Variants in ADGRL1 observed in about 807,000 individuals in gnomAD.
ADGRL1 encodes CIRL-1.
A neutral mutation model predicts 148.9 loss-of-function variants in ADGRL1; 31 were observed. The observed-to-expected ratio is 0.21, with a 90% CI of 0.16 to 0.28. The LOEUF (loss-of-function observed/expected upper bound fraction) is 0.28, where lower values mean the gene tolerates loss of function less well. ADGRL1 is among the 10% of genes least tolerant of loss of function. The probability of loss-of-function intolerance (pLI) is 1.00; values close to 1 mark genes in which losing one functional copy is unlikely to be tolerated. For synonymous variants in ADGRL1, 937 were observed against 900.3 expected, an observed-to-expected ratio of 1.04 and a Z score of -0.73; for missense variants, 1,521 against 2,058.8, an observed-to-expected ratio of 0.74 and a Z score of 5.05.
chr19:14,169,626 T>G (rs1970299075), intron 4 of ADGRL1: 1 of 151,942 alleles, frequency 6.6e-6, no homozygotes, highest in South Asian at 2.1e-4. Flanking sequence ...TGAGGAGAAA[T>G]CAAAGGCTGG....
chr19:14,162,191 C>A lies in ADGRL1; in HGVS notation c.1195+415G>T, dbSNP rs1969467929. On this transcript the variant is annotated intron_variant, in intron 5 of 22. Coordinates refer to ENST00000361434, the MANE Select transcript of ADGRL1 (RefSeq NM_014921.5). The surrounding 1 kb of genome is among the most constrained non-coding windows in gnomAD (Gnocchi z 5.4). ...AAGAAGACTGCAGAGTTGCCCTCAG[C>A]CCGGTCAGCATCAGCAGCTCAGCTC... 6.6e-6 allele frequency among the ~76,000 whole-genome samples: 1 copy of A among 152,160 alleles called. No homozygotes were observed.
Position 14,156,735 on chromosome 19 carries a change from A to C in ADGRL1, c.2967-11T>G. The C allele has an allele frequency of 6.2e-7, 1 of 1,606,448 alleles. No homozygotes were observed. The highest frequency in any genetic ancestry group is 8.5e-7 in the Non-Finnish European group (1 of 1,176,542). The stretch of plus-strand genomic sequence containing the variant: ...ACTCGGAGCCAGCAGCTGTAAAGGA[A>C]ACAGGGCCGGGGTATAGAGAGAAGC... On this transcript the variant is annotated splice_polypyrimidine_tract_variant and intron_variant, in intron 15 of 22. Coordinates refer to ENST00000361434, the MANE Select transcript of ADGRL1 (RefSeq NM_014921.5).
chr19:14,165,319 C>G (rs1969850416), intron 4 of ADGRL1, among the ~76,000 whole-genome samples: 1 of 152,198 alleles, frequency 6.6e-6, no homozygotes, highest in Admixed American at 6.5e-5. Context: ...CCCACTCTGT[C>G]CAGCACACTG....
intron 2 of ADGRL1, among the ~76,000 whole-genome samples, chr19:14,180,779 CTT>C (rs1297069069): frequency 6.6e-6 from 1 of 152,162 alleles, no homozygotes; most frequent in Non-Finnish European, 1.5e-5. Flanking sequence ...GTCTCAAACT[CTT>C]GAGCTCAAGC....
chr19:14,182,770 T>A (rs1971288976), intron 2 of ADGRL1, among the ~76,000 whole-genome samples: 1 of 151,110 alleles, frequency 6.6e-6, no homozygotes, highest in South Asian at 2.1e-4. Flanking sequence ...AGCAGAGGAG[T>A]GAGGTTGCTG....
intron 1 of ADGRL1, among the ~76,000 whole-genome samples, chr19:14,187,958 G>A (rs1002952526): frequency 6.6e-6 from 1 of 152,162 alleles, no homozygotes; most frequent in South Asian, 2.1e-4. Context: ...GGCTTGGTAC[G>A]GTGACTCGTG....
chr19:14,157,972 G>A lies in ADGRL1; in HGVS notation c.2445C>T (p.Gly815=). ...TCTTGTTGGACTCCACCAGGCGGCA[G>A]CCTTGGGTCGACCAGTAGCCCAGCA... The part of the protein sequence containing the change: ...RSMLGYWSTQ[G]CRLVESNKTH... The change falls in exon 13 of 23, where the codon GGC becomes GGT. Residue 815 remains glycine, a synonymous_variant. Transcript: ENST00000361434. This position sits in a 1 kb window ranked among gnomAD's most constrained non-coding sequence, Gnocchi z 7.5. 1 of 1,614,218 alleles carries A rather than the reference G, an allele frequency of 6.2e-7. No individual in the cohort carries two copies. Among genetic ancestry groups the A allele is most frequent in the African/African-American group, 1.3e-5 (1 of 75,068 alleles).
chr19:14,187,274 G>C (rs888126291), intron 1 of ADGRL1, among the ~76,000 whole-genome samples: 5 of 152,200 alleles, frequency 3.3e-5, no homozygotes, highest in Non-Finnish European at 5.9e-5. Flanking sequence ...GAGAGGTAGA[G>C]GTTGCAGTGA....
intron 1 of ADGRL1, among the ~76,000 whole-genome samples, chr19:14,191,694 CTCTT>C (rs1489534204): frequency 2.0e-5 from 3 of 148,048 alleles, no homozygotes; most frequent in Non-Finnish European, 4.5e-5. Flanking sequence ...TGCTGTCTCT[CTCTT>C]TTTTTTTTTT....
At chr19:14,203,969 G>A (rs10407653) in intron 1 of ADGRL1, among the ~76,000 whole-genome samples, 74,937 of 151,930 alleles carry the variant, frequency 0.49, 19,324 homozygotes, top group African/African-American at 0.65. Context: ...GAAGATGGTG[G>A]CAAGACCAGC....
chr19:14,199,836 C>T (rs1174637257), intron 1 of ADGRL1, among the ~76,000 whole-genome samples: 1 of 152,132 alleles, frequency 6.6e-6, no homozygotes, highest in African/African-American at 2.4e-5. Flanking sequence ...CAGGTTCAAG[C>T]GATTCTCCTG....
chr19:14,160,251 C>A lies in ADGRL1; in HGVS notation c.1661G>T (p.Arg554Leu). Residue 554 changes from arginine (R) to leucine (L), a missense_variant, in exon 8 of 23, where the codon CGA becomes CTA. Transcript: ENST00000361434. The surrounding 1 kb of genome is among the most constrained non-coding windows in gnomAD (Gnocchi z 5.9). ...NAANIASELARHTRGSIYAGD... is the reference protein window; with the variant it reads ...NAANIASELALHTRGSIYAGD... ...CGCGTAGATGGAGCCCCGGGTGTGTCGGGCCAGCTCGCTGGCGATGTTGGC... is the reference window on the plus strand; with the variant it reads ...CGCGTAGATGGAGCCCCGGGTGTGTAGGGCCAGCTCGCTGGCGATGTTGGC... 6.3e-7 allele frequency: 1 copy of A among 1,594,682 alleles called. No homozygotes were observed. The highest frequency in any genetic ancestry group is 8.6e-7 in the Non-Finnish European group (1 of 1,164,144).
chr19:14,201,294 GT>G (rs748016498), intron 1 of ADGRL1, among the ~76,000 whole-genome samples: 37 of 86,278 alleles, frequency 4.3e-4, no homozygotes, highest in Middle Eastern at 6.4e-3. Flanking sequence ...GCTATTCTGA[GT>G]TTTTTTGTTT....
In ADGRL1 at chr19:14,157,922, TG is replaced by T; in HGVS notation, c.2494del (p.His832ThrfsTer33). 6.2e-7 allele frequency: 1 copy of T among 1,614,128 alleles called. No homozygotes were observed. Among genetic ancestry groups the T allele is most frequent in the Non-Finnish European group, 8.5e-7 (1 of 1,180,018 alleles). Reference protein sequence around the residue: ...NKTHTTCACSHLTNFAVLMAH... With the variant: ...NKTHTTCACSXLTNFAVLMAH... ...CATGAGCACAGCGAAGTTGGTGAGGTGGCTGCAGGCACACGTGGTATGGGTC... is the reference window on the plus strand; with the variant it reads ...CATGAGCACAGCGAAGTTGGTGAGGTGCTGCAGGCACACGTGGTATGGGTC... On this transcript the variant is annotated frameshift_variant, in exon 13 of 23. Transcript: ENST00000361434. LOFTEE classifies it high-confidence loss of function. This position sits in a 1 kb window ranked among gnomAD's most constrained non-coding sequence, Gnocchi z 7.5.
chr19:14,159,560 G>A lies in ADGRL1; in HGVS notation c.1864C>T (p.Leu622=). 6.2e-7 allele frequency: 1 copy of A among 1,602,418 alleles called. No homozygotes were observed. The stretch of plus-strand genomic sequence containing the variant: ...GACTCCAGAGCTTCTGGCCGGAGCA[G>A]ATTGTCCACTGTCTCCACCACGGCC... ...IKAVVETVDN[L]LRPEALESWK... Residue 622 remains leucine (L), a synonymous_variant, in exon 10 of 23, where the codon CTG becomes TTG. Transcript: ENST00000361434. This position sits in a 1 kb window ranked among gnomAD's most constrained non-coding sequence, Gnocchi z 6.0.
In ADGRL1 at chr19:14,151,104, C is replaced by G; in HGVS notation, c.4179G>C (p.Pro1393=). ...CACTGGGCCCCTCAGGGCTGCTGTC[C>G]GGGTAGGAGGGTGAGTCCCGCAGGT... The part of the protein sequence containing the change: ...GANLRDSPSY[P]DSSPEGPSEA... The change falls in exon 23 of 23, where the codon CCG becomes CCC. Residue 1393 remains proline, a synonymous_variant. Coordinates refer to ENST00000361434, the MANE Select transcript of ADGRL1 (RefSeq NM_014921.5). The G allele has an allele frequency of 6.5e-7, 1 of 1,544,816 alleles. No homozygotes were observed. The highest frequency in any genetic ancestry group is 8.7e-7 in the Non-Finnish European group (1 of 1,147,526).
chr19:14,183,227 G>GAGAGAGAGAGAC (rs1568616325), intron 2 of ADGRL1, among the ~76,000 whole-genome samples: 8 of 152,136 alleles, frequency 5.3e-5, no homozygotes, highest in Admixed American at 2.0e-4. Context: ...GCGAGAGAGA[G>GAGAGAGAGAGAC]ACAGAGAGAG....
At chr19:14,177,452 G>A in intron 3 of ADGRL1, 79 bp downstream of exon 3, 1 of 1,312,136 alleles carries the variant, frequency 7.6e-7, no homozygotes, top group South Asian at 1.2e-5. Flanking sequence ...AAAGATGTAA[G>A]GTGAACGGGT....
At chr19:14,169,151 G>A (rs1970253899) in intron 4 of ADGRL1, 2 of 152,252 alleles carry the variant, frequency 1.3e-5, no homozygotes, top group South Asian at 4.1e-4. Context: ...CATGGGTCTG[G>A]GCGCTGGGGC....
Sources: gnomAD v4.1 joint callset for allele counts (sites outside exome capture counted in the v4.1 genomes callset) on GRCh38, gnomAD v4.1.1 for gene constraint, Gnocchi (gnomAD v3.1) non-coding constraint, MANE v1.5 for transcripts, NCBI Gene and HGNC (gene_info 2026-07-23, HGNC 2026-07-21) for gene names.